GATC: variants seen among roughly 807,000 people sequenced by gnomAD.
GATC encodes glutamyl-tRNA(Gln) amidotransferase subunit C, mitochondrial.
Under a neutral mutation model 14.4 loss-of-function variants are expected in GATC, and 11 were observed. That is an observed-to-expected ratio of 0.77 (90% CI 0.48 to 1.27). GATC has a LOEUF of 1.27. Ranked by LOEUF, GATC falls within the 50% of genes most tolerant of loss-of-function variation. The probability of loss-of-function intolerance (pLI) is 0.00; values close to 1 mark genes in which losing one functional copy is unlikely to be tolerated. For missense variants in GATC, 204 were observed against 183.0 expected (o/e 1.11, Z -0.66); for synonymous variants, 76 against 79.3 (o/e 0.96, Z 0.22).
At chr12:120,450,731 T>C (rs905714415) in intron 2 of GATC, 5 of 152,550 alleles carry the variant, frequency 3.3e-5, no homozygotes, top group African/African-American at 9.6e-5. Flanking sequence ...TGAATATTAA[T>C]GGTGTACTCT....
rs1737525107 is a variant in GATC, at chr12:120,462,224, C to G, written c.*2265C>G. On this transcript the variant is annotated 3_prime_UTR_variant, in exon 4 of 4. Transcript: ENST00000551765. Reference sequence around the variant, plus strand: ...AAAAAATCAGAGCCAGAAGAATAAGCAAACCAACATCTAACAATAATAGTT... The same window carrying G: ...AAAAAATCAGAGCCAGAAGAATAAGGAAACCAACATCTAACAATAATAGTT... 1.3e-6 allele frequency: 2 copies of G among 1,519,904 alleles called. No individual in the cohort carries two copies. The highest frequency in any genetic ancestry group is 1.8e-6 in the Non-Finnish European group (2 of 1,121,176). The allele number at this position is 1,519,904 out of a possible 1,614,324, so 94.2% of individuals were successfully genotyped here.
chr12:120,450,663 G>A (rs79556215), intron 2 of GATC: 203 of 154,776 alleles, frequency 1.3e-3, no homozygotes, highest in African/African-American at 4.6e-3. Flanking sequence ...GCAAATTTCC[G>A]GTCTCTTTAA....
rs1878352367 is a variant in GATC at position 120,461,933 on chromosome 12, C to CT, written c.*1975dup. ...AAAATTAAAAAAATTTCCTAAGACA[C>CT]TAAATCCTCAATCTGGAATGTAGAT... On this transcript the variant is annotated 3_prime_UTR_variant, in exon 4 of 4. Coordinates refer to ENST00000551765, the MANE Select transcript of GATC (RefSeq NM_176818.3). 7.5e-7 allele frequency: 1 copy of CT among 1,329,874 alleles called. No homozygotes were observed. Among genetic ancestry groups the CT allele is most frequent in the Admixed American group, 2.8e-5 (1 of 35,196 alleles). 82.4% of individuals were successfully genotyped at this position (1,329,874 alleles called of 1,614,324 possible).
Position 120,446,771 on chromosome 12 carries a change from C to T in GATC, c.196C>T (p.Arg66Trp), listed in dbSNP as rs1877881396. ...RLEKAIAFAD[R>W]LRAVDTDGVE... is the part of the protein sequence containing the mutation. Reference sequence around the variant, plus strand: ...GGAGAAAGCTATCGCCTTCGCCGACCGGCTACGCGCCGTGGACACAGACGG... The same window carrying T: ...GGAGAAAGCTATCGCCTTCGCCGACTGGCTACGCGCCGTGGACACAGACGG... Residue 66 changes from arginine (R) to tryptophan (W), a missense_variant, in exon 2 of 4, where the codon CGG (arginine) becomes TGG (tryptophan). Physicochemically the swap from Arg to Trp is moderately radical, Grantham distance 101. Transcript: ENST00000551765. The T allele has an allele frequency of 5.0e-6, 8 of 1,613,888 alleles. No individual in the cohort carries two copies. Among genetic ancestry groups the T allele is most frequent in the African/African-American group, 1.3e-5 (1 of 74,948 alleles).
At position 120,459,901 on chromosome 12, in the gene GATC, A is replaced by C. The variant is rs370749994; in HGVS notation, c.359-6A>C. The C allele has an allele frequency of 2.5e-5, 40 of 1,609,100 alleles. No individual in the cohort carries two copies. The highest frequency in any genetic ancestry group is 3.1e-5 in the Non-Finnish European group (37 of 1,175,984). On this transcript the variant is annotated splice_region_variant and splice_polypyrimidine_tract_variant and intron_variant, in intron 3 of 3. Coordinates refer to ENST00000551765, the MANE Select transcript of GATC (RefSeq NM_176818.3). ...ACAAAAATTCTCTTTTGTTATTTTC[A>C]AACAGGTAATATCTCTTTGCCAAAG...
intron 2 of GATC, among the ~76,000 whole-genome samples, chr12:120,453,857 A>C (rs1272806759): frequency 1.3e-5 from 2 of 151,758 alleles, no homozygotes; most frequent in Admixed American, 6.6e-5. Context: ...ACAACAACAA[A>C]AAACCAACCC....
At chr12:120,446,592 G>A (rs749201264) in intron 1 of GATC, 31 bp downstream of exon 1, 48 of 1,589,904 alleles carry the variant, frequency 3.0e-5, no homozygotes, top group Non-Finnish European at 3.9e-5. Context: ...GGCGGGTGGC[G>A]GAGCAAGCCG....
intron 2 of GATC, among the ~76,000 whole-genome samples, chr12:120,456,056 C>G (rs953278943): frequency 1.3e-5 from 2 of 152,214 alleles, no homozygotes; most frequent in African/African-American, 2.4e-5. Context: ...TCTGACATGA[C>G]TCAAACGCCA....
chr12:120,454,052 T>A (rs990100669), intron 2 of GATC, among the ~76,000 whole-genome samples: 4 of 152,140 alleles, frequency 2.6e-5, no homozygotes, highest in African/African-American at 9.7e-5. Context: ...GTAAATAGAT[T>A]AGTTGCTATT....
rs1262608333 is a variant in GATC, at chr12:120,461,324, C to T, written c.*1365C>T. 1 of 152,114 alleles carries T rather than the reference C, an allele frequency of 6.6e-6. No homozygotes were observed. The highest frequency in any genetic ancestry group is 1.5e-5 in the Non-Finnish European group (1 of 68,028). The allele number at this position is 152,114 out of a possible 1,614,324, so 9.4% of individuals were successfully genotyped here. On this transcript the variant is annotated 3_prime_UTR_variant, in exon 4 of 4. Transcript: ENST00000551765. ...GCCTATCTGGTCGTGAACTCCTGGC[C>T]TCAAGGGATCCTCTGGCATGCCTTG...
chr12:120,446,965 G>GA (rs1285570800), intron 2 of GATC, 136 bp downstream of exon 2: 40 of 774,958 alleles, frequency 5.2e-5, no homozygotes, highest in Non-Finnish European at 7.8e-5. Context: ...GTCACCTCGC[G>GA]AGTCAGTGGC....
intron 2 of GATC, among the ~76,000 whole-genome samples, chr12:120,450,187 G>A (rs750149955): frequency 2.0e-5 from 3 of 152,286 alleles, no homozygotes; most frequent in East Asian, 3.9e-4. Flanking sequence ...GGAAAAGGTC[G>A]TGAAAAAAGA....
intron 2 of GATC, among the ~76,000 whole-genome samples, chr12:120,449,976 G>A (rs997452148): frequency 4.0e-5 from 6 of 149,568 alleles, no homozygotes; most frequent in African/African-American, 1.5e-4. Context: ...TGGTCAGGCT[G>A]GTCTCAAACT....
At chr12:120,455,824 T>C (rs192700064) in intron 2 of GATC, among the ~76,000 whole-genome samples, 2 of 152,270 alleles carry the variant, frequency 1.3e-5, no homozygotes, top group South Asian at 2.1e-4. Flanking sequence ...TAGCTGGGTC[T>C]ACAGGCGCCC....
intron 2 of GATC, among the ~76,000 whole-genome samples, chr12:120,451,887 T>TCTTTTTTTTTTC (rs1565913389): frequency 1.7e-5 from 2 of 118,820 alleles, no homozygotes; most frequent in Non-Finnish European, 3.4e-5. Context: ...TTTTTTTTTT[T>TCTTTTTTTTTTC]TTTTTTTTGA....
In GATC at chr12:120,451,875, C is replaced by CTTTTTTTTT. The variant is rs1170221029; in HGVS notation, c.254+5058_254+5066dup. On this transcript the variant is annotated intron_variant, in intron 2 of 3. Transcript: ENST00000551765. ...CAGGGGCTAATAAATTATATAAATT[C>CTTTTTTTTT]TTTTTTTTTTTTTTTTTTTTGAGCT... is the stretch of plus-strand genomic sequence containing the variant. Among the ~76,000 whole-genome samples, 6 of 90,840 alleles carry CTTTTTTTTT rather than the reference C, an allele frequency of 6.6e-5. 1 individual carries two copies. The highest frequency in any genetic ancestry group is 9.0e-5 in the Non-Finnish European group (4 of 44,202). 59.6% of individuals were successfully genotyped at this position (90,840 alleles called of 152,430 possible). A position where few individuals can be genotyped will look rare whatever the true frequency, so the allele number is the denominator to read the frequency against.
intron 2 of GATC, among the ~76,000 whole-genome samples, chr12:120,449,928 A>G (rs901627119): frequency 4.0e-5 from 6 of 151,780 alleles, no homozygotes; most frequent in African/African-American, 1.5e-4. Context: ...ACGCCCAGCT[A>G]ATTTTGTATT....
rs1209452370 is a variant in GATC at position 120,460,596 on chromosome 12, C to T, written c.*637C>T. The T allele has an allele frequency of 6.6e-6, 1 of 152,156 alleles. No individual in the cohort carries two copies. The highest frequency in any genetic ancestry group is 1.5e-5 in the Non-Finnish European group (1 of 68,028). The allele number at this position is 152,156 out of a possible 1,614,324, so 9.4% of individuals were successfully genotyped here. Reference sequence around the variant, plus strand: ...TTCTCTTTCTGAAAAGAGAACTTATCCTAAAATTAGCCCTGGGCCTGGGAC... The same window carrying T: ...TTCTCTTTCTGAAAAGAGAACTTATTCTAAAATTAGCCCTGGGCCTGGGAC... On this transcript the variant is annotated 3_prime_UTR_variant, in exon 4 of 4. Transcript: ENST00000551765.
At chr12:120,457,528 C>T (rs1441760894) in intron 3 of GATC, among the ~76,000 whole-genome samples, 2 of 151,838 alleles carry the variant, frequency 1.3e-5, no homozygotes, top group Non-Finnish European at 2.9e-5. Flanking sequence ...AGTATTCATA[C>T]CATGAATAAA....
Sources: allele counts gnomAD v4.1 joint callset (sites outside exome capture counted in the v4.1 genomes callset), GRCh38; gene constraint gnomAD v4.1.1; transcripts MANE v1.5; gene names NCBI Gene and HGNC (gene_info 2026-07-23, HGNC 2026-07-21).